The following DMXL2 variants were observed in gnomAD, a reference collection of about 807,000 sequenced individuals.
DMXL2 encodes the protein dmX-like protein 2.
Under a neutral mutation model 331.1 loss-of-function variants are expected in DMXL2, and 103 were observed. That is an observed-to-expected ratio of 0.31 (90% CI 0.27 to 0.37). The LOEUF (loss-of-function observed/expected upper bound fraction) is 0.37, where lower values mean the gene tolerates loss of function less well. DMXL2 is among the 10% of genes least tolerant of loss of function. The pLI is 1.00. For synonymous variants in DMXL2, 1,281 were observed against 1,252.1 expected (o/e 1.02, Z -0.49); for missense variants, 3,171 against 3,642.9 (o/e 0.87, Z 3.33).
chr15:51,467,235 A>G (rs1321588580), intron 29 of DMXL2, among the ~76,000 whole-genome samples: 3 of 152,122 alleles, frequency 2.0e-5, no homozygotes, highest in Non-Finnish European at 4.4e-5. Context: ...AGTGGAAAAG[A>G]CTTCTGCTGA....
intron 13 of DMXL2, among the ~76,000 whole-genome samples, chr15:51,525,674 C>T (rs1017551107): frequency 6.6e-6 from 1 of 152,108 alleles, no homozygotes; most frequent in African/African-American, 2.4e-5. Context: ...CCCTGTAGGC[C>T]TGAAGTCCTG....
rs34051640 is a variant in DMXL2 at position 51,616,935 on chromosome 15, TAAA to T, written c.87+5521_87+5523del. On this transcript the variant is annotated intron_variant, in intron 1 of 43. Transcript: ENST00000560891. ...CTGGGTGACAGAGTGAGACTCCATC[TAAA>T]AAAAAAAAAAAAAAAAAAAAAACTG... Among the ~76,000 whole-genome samples, 339 of 81,222 alleles carry T rather than the reference TAAA, an allele frequency of 4.2e-3. 8 individuals are homozygous for T. In the East Asian group the frequency reaches 0.082, roughly 20 times the overall value. 53.3% of individuals were successfully genotyped at this position (81,222 alleles called of 152,430 possible). A position where few individuals can be genotyped will look rare whatever the true frequency, so the allele number is the denominator to read the frequency against.
intron 6 of DMXL2, among the ~76,000 whole-genome samples, chr15:51,560,284 G>A (rs906933895): frequency 6.6e-6 from 1 of 151,912 alleles, no homozygotes; most frequent in Non-Finnish European, 1.5e-5. Flanking sequence ...ATTTACAGAC[G>A]AATGACATCA....
At chr15:51,534,438 T>C (rs1206709236) in intron 13 of DMXL2, among the ~76,000 whole-genome samples, 4 of 152,170 alleles carry the variant, frequency 2.6e-5, no homozygotes, top group African/African-American at 9.7e-5. Context: ...CACTAGCAAG[T>C]AGAATGTACA....
chr15:51,572,279 T>A (rs558214985), intron 2 of DMXL2, among the ~76,000 whole-genome samples: 1 of 130,254 alleles, frequency 7.7e-6, no homozygotes, highest in Admixed American at 8.0e-5. Context: ...GTTCTGAAAT[T>A]GAGGCAATAA....
intron 23 of DMXL2, 140 bp from the exon 24 acceptor site, chr15:51,481,763 CA>C (rs1200947402): frequency 6.7e-6 from 5 of 751,326 alleles, no homozygotes; most frequent in Non-Finnish European, 1.0e-5. Flanking sequence ...ATGGCATATA[CA>C]ATCATTACAA....
chr15:51,458,602 G>A lies in DMXL2; in HGVS notation c.8102C>T (p.Ala2701Val). 1 of 1,613,916 alleles carries A rather than the reference G, an allele frequency of 6.2e-7. No homozygotes were observed. The highest frequency in any genetic ancestry group is 8.5e-7 in the Non-Finnish European group (1 of 1,179,858). Reference protein sequence around the residue: ...NKANCNEIVLASTHDVQELDV... With the variant: ...NKANCNEIVLVSTHDVQELDV... ...AAGTTCTTGAACATCATGTGTTGAAGCCAAAACAATTTCATTACAATTTGC... is the reference window on the plus strand; with the variant it reads ...AAGTTCTTGAACATCATGTGTTGAAACCAAAACAATTTCATTACAATTTGC... The change falls in exon 36 of 44, where the codon GCT becomes GTT. Residue 2701 changes from alanine to valine, a missense_variant. Physicochemically the swap from Ala to Val is moderately conservative, Grantham distance 64 (BLOSUM62 0). This residue lies in a region of DMXL2 where 766 missense variants were observed against 940.5 expected (regional missense o/e 0.81). Transcript: ENST00000560891.
At chr15:51,495,338 A>G (rs2043099148) in intron 18 of DMXL2, among the ~76,000 whole-genome samples, 1 of 152,192 alleles carries the variant, frequency 6.6e-6, no homozygotes, top group African/African-American at 2.4e-5. Flanking sequence ...TAAAAGAAAA[A>G]TGATTTGGAG....
At chr15:51,462,698 T>C (rs949821702) in intron 33 of DMXL2, among the ~76,000 whole-genome samples, 1 of 152,144 alleles carries the variant, frequency 6.6e-6, no homozygotes, top group Admixed American at 6.5e-5. Context: ...AAACTGCTCA[T>C]TCCCTCACTA....
At chr15:51,505,574 T>A (rs1250955062) in intron 16 of DMXL2, among the ~76,000 whole-genome samples, 1 of 152,230 alleles carries the variant, frequency 6.6e-6, no homozygotes, top group Non-Finnish European at 1.5e-5. Flanking sequence ...AAACAACATA[T>A]AATGCAAAGA....
chr15:51,479,874 G>A lies in DMXL2; in HGVS notation c.6756+74C>T, dbSNP rs556072031. 6.0e-5 allele frequency: 70 copies of A among 1,162,656 alleles called. 1 individual carries two copies. The Middle Eastern group carries it at 1.2e-3, about 20-fold the overall frequency. The allele number at this position is 1,162,656 out of a possible 1,614,324, so 72.0% of individuals were successfully genotyped here. ...ACTTTGAAATATTTCCCCTAAGTTC[G>A]AATTAAAAGACAGGTATAACATATT... On this transcript the variant is annotated intron_variant, in intron 25 of 43. Coordinates refer to ENST00000560891, the MANE Select transcript of DMXL2 (RefSeq NM_001378457.1).
In DMXL2 at chr15:51,453,577, G is replaced by A; in HGVS notation, c.8669C>T (p.Ala2890Val). The part of the protein sequence containing the change: ...FAFITSSSLV[A>V]TSGHSNDNRN... The stretch of plus-strand genomic sequence containing the variant: ...ATTGTCATTGGAGTGTCCAGATGTG[G>A]CAACTAGACTTGAAGAGGTAATAAA... The change falls in exon 41 of 44, where the codon GCC becomes GTC. Residue 2890 changes from alanine to valine, a missense_variant. Ala to Val is a moderately conservative substitution (Grantham distance 64). This residue lies in a region of DMXL2 where 766 missense variants were observed against 940.5 expected (regional missense o/e 0.81). Coordinates refer to ENST00000560891, the MANE Select transcript of DMXL2 (RefSeq NM_001378457.1). 4 of 1,613,422 alleles carry A rather than the reference G, an allele frequency of 2.5e-6. No homozygotes were observed. Among genetic ancestry groups the A allele is most frequent in the Non-Finnish European group, 3.4e-6 (4 of 1,179,706 alleles).
chr15:51,516,943 T>A (rs1407988527), intron 14 of DMXL2, 135 bp downstream of exon 14: 1 of 712,200 alleles, frequency 1.4e-6, no homozygotes, highest in African/African-American at 1.8e-5. Flanking sequence ...AGATTTTCAC[T>A]ATGGGAATCA....
chr15:51,553,850 G>C (rs2049380045), intron 6 of DMXL2, among the ~76,000 whole-genome samples: 1 of 150,916 alleles, frequency 6.6e-6, no homozygotes, highest in African/African-American at 2.4e-5. Flanking sequence ...TTAATTTATT[G>C]TTTATTTTAT....
chr15:51,602,394 G>C (rs563780329), intron 1 of DMXL2, among the ~76,000 whole-genome samples: 7 of 151,998 alleles, frequency 4.6e-5, no homozygotes, highest in Admixed American at 6.6e-5. Context: ...TCTACTCTGA[G>C]GTGCCATGAC....
chr15:51,601,290 C>CAAAAAAAAAAAAAA (rs200188441), intron 1 of DMXL2, among the ~76,000 whole-genome samples: 11 of 96,598 alleles, frequency 1.1e-4, no homozygotes, highest in African/African-American at 4.0e-4. Flanking sequence ...GACTCCATCT[C>CAAAAAAAAAAAAAA]AAAAAAAAAA....
rs189672861 is a variant in DMXL2 at position 51,453,926 on chromosome 15, A to T, written c.8605-285T>A. The T allele has an allele frequency of 2.1e-4, 56 of 264,988 alleles. No homozygotes were observed. In the East Asian group the frequency reaches 3.8e-3, roughly 18 times the overall value. The allele number at this position is 264,988 out of a possible 1,614,324, so 16.4% of individuals were successfully genotyped here. ...ATAGGACATCAAAGTACATGAACCT[A>T]CCTAAGACCCGTCAATTTTAGTGCT... On this transcript the variant is annotated intron_variant, in intron 40 of 43. Transcript: ENST00000560891.
chr15:51,532,505 C>G (rs1034879836), intron 13 of DMXL2, among the ~76,000 whole-genome samples: 3 of 152,062 alleles, frequency 2.0e-5, no homozygotes, highest in African/African-American at 7.2e-5. Flanking sequence ...TTTAATTGCT[C>G]ATTTAAAAAT....
At chr15:51,489,830 A>G (rs1307002831) in intron 20 of DMXL2, among the ~76,000 whole-genome samples, 3 of 152,204 alleles carry the variant, frequency 2.0e-5, no homozygotes, top group Non-Finnish European at 4.4e-5. Flanking sequence ...GATTTATAAT[A>G]TACATTTTGA....
Sources: gnomAD v4.1 joint callset for allele counts (sites outside exome capture counted in the v4.1 genomes callset) on GRCh38, gnomAD v4.1.1 for gene constraint, gnomAD v4.1.1 regional missense constraint, MANE v1.5 for transcripts, NCBI Gene and HGNC (gene_info 2026-07-23, HGNC 2026-07-21) for gene names.